The following CNTN4 variants were observed in gnomAD, a reference collection of about 807,000 sequenced individuals.
CNTN4 encodes contactin-4.
In CNTN4, 77 loss-of-function variants were observed where a neutral mutation model predicts 122.5. That is an observed-to-expected ratio of 0.63 (90% CI 0.52 to 0.76). The LOEUF (loss-of-function observed/expected upper bound fraction) is 0.76, where lower values mean the gene tolerates loss of function less well. Among genes scored for constraint, CNTN4 ranks in the 30% least tolerant of loss-of-function variants. The pLI is 0.00. For missense variants in CNTN4, 1,256 were observed against 1,259.1 expected (o/e 1.00, Z 0.04); for synonymous variants, 512 against 447.0 (o/e 1.15, Z -1.83).
At chr3:2,286,591 G>A (rs1307890940) in intron 2 of CNTN4, among the ~76,000 whole-genome samples, 21 of 152,068 alleles carry the variant, frequency 1.4e-4, no homozygotes, top group Admixed American at 1.3e-3. Flanking sequence ...CCAAAATGTT[G>A]TATTAATGCA....
chr3:2,810,097 A>C (rs2092568531), intron 6 of CNTN4, among the ~76,000 whole-genome samples: 1 of 152,198 alleles, frequency 6.6e-6, no homozygotes, highest in African/African-American at 2.4e-5. Flanking sequence ...CTGTTATTTA[A>C]TTTGATATAG....
At chr3:2,203,629 A>G (rs1029381179) in intron 2 of CNTN4, among the ~76,000 whole-genome samples, 1 of 152,158 alleles carries the variant, frequency 6.6e-6, no homozygotes, top group Non-Finnish European at 1.5e-5. Flanking sequence ...GTTCCTGAAT[A>G]GATGTATCCT....
intron 3 of CNTN4, among the ~76,000 whole-genome samples, chr3:2,521,953 G>A (rs1424913147): frequency 1.3e-5 from 2 of 152,070 alleles, no homozygotes; most frequent in Admixed American, 1.3e-4. Flanking sequence ...TTGGTAAAGT[G>A]GTCCTGATCC....
intron 16 of CNTN4, among the ~76,000 whole-genome samples, chr3:3,033,105 G>A (rs141907453): frequency 6.6e-6 from 1 of 152,112 alleles, no homozygotes; most frequent in Non-Finnish European, 1.5e-5. Flanking sequence ...TCTATTTGTG[G>A]TACTTAGATT....
rs532123425 is a variant in CNTN4, at chr3:3,021,445, G to A, written c.1487-4657G>A. Among the ~76,000 whole-genome samples the A allele has an allele frequency of 1.1e-4, 17 of 152,276 alleles. No homozygotes were observed. In the South Asian group the frequency reaches 3.3e-3, roughly 30 times the overall value. On this transcript the variant is annotated intron_variant, in intron 14 of 24. Transcript: ENST00000418658. Reference sequence around the variant, plus strand: ...TTATGTCATCTGAGGTTTGCTTGCTGTCTGCTCTTTGACCAGCTCCAGGCC... The same window carrying A: ...TTATGTCATCTGAGGTTTGCTTGCTATCTGCTCTTTGACCAGCTCCAGGCC...
At chr3:2,672,380 AG>A (rs1312707051) in intron 4 of CNTN4, among the ~76,000 whole-genome samples, 1 of 152,190 alleles carries the variant, frequency 6.6e-6, no homozygotes, top group African/African-American at 2.4e-5. Context: ...GCTAGCAATA[AG>A]GGAGGCTCCA....
chr3:2,915,789 G>A (rs1310542303), intron 12 of CNTN4, among the ~76,000 whole-genome samples: 1 of 152,178 alleles, frequency 6.6e-6, no homozygotes, highest in African/African-American at 2.4e-5. Context: ...GTCAGGAGGT[G>A]GAAGCAACCT....
At chr3:2,577,889 T>C (rs1169020533) in intron 4 of CNTN4, among the ~76,000 whole-genome samples, 1 of 152,222 alleles carries the variant, frequency 6.6e-6, no homozygotes, top group Non-Finnish European at 1.5e-5. Context: ...CCCATCTCTG[T>C]GGTGCAGTTT....
At chr3:2,182,613 T>C (rs1207784338) in intron 2 of CNTN4, among the ~76,000 whole-genome samples, 2 of 152,154 alleles carry the variant, frequency 1.3e-5, no homozygotes, top group Non-Finnish European at 2.9e-5. Flanking sequence ...GTATATGTTA[T>C]GAATTACCTG....
chr3:2,806,095 G>A lies in CNTN4; in HGVS notation c.359-13391G>A, dbSNP rs1368383643. 3.3e-5 allele frequency among the ~76,000 whole-genome samples: 5 copies of A among 152,188 alleles called. No individual in the cohort carries two copies. The East Asian group carries it at 9.7e-4, about 29-fold the overall frequency. On this transcript the variant is annotated intron_variant, in intron 6 of 24. Coordinates refer to ENST00000418658, the MANE Select transcript of CNTN4 (RefSeq NM_175607.3). Reference sequence around the variant, plus strand: ...TTTTTGTATTTTCAGAGAGACGGGGGTCTCACCTTGTTAGCCAGGATGGTG... The same window carrying A: ...TTTTTGTATTTTCAGAGAGACGGGGATCTCACCTTGTTAGCCAGGATGGTG...
rs1303123676 is a variant in CNTN4 at position 2,883,245 on chromosome 3, A to G, written c.753A>G (p.Gly251=). ...ATVKLECFAL[G]NPVPTIIWRR... ...TGAAGCTGGAATGCTTTGCTTTAGGAAAGTAAGTTCTGGTTTGCGTTCCTT... is the reference window on the plus strand; with the variant it reads ...TGAAGCTGGAATGCTTTGCTTTAGGGAAGTAAGTTCTGGTTTGCGTTCCTT... Residue 251 remains glycine, a splice_region_variant and synonymous_variant, in exon 9 of 25, where the codon GGA becomes GGG. Coordinates refer to ENST00000418658, the MANE Select transcript of CNTN4 (RefSeq NM_175607.3). The G allele has an allele frequency of 1.2e-6, 2 of 1,612,280 alleles. No homozygotes were observed. The highest frequency in any genetic ancestry group is 1.7e-6 in the Non-Finnish European group (2 of 1,178,750).
chr3:3,009,557 C>T (rs1180388594), intron 14 of CNTN4, among the ~76,000 whole-genome samples: 1 of 149,714 alleles, frequency 6.7e-6, no homozygotes, highest in Non-Finnish European at 1.5e-5. Flanking sequence ...CCTCAGCTTC[C>T]CGAGTAGCTG....
At chr3:2,715,560 A>G (rs529040689) in intron 4 of CNTN4, among the ~76,000 whole-genome samples, 10 of 152,324 alleles carry the variant, frequency 6.6e-5, no homozygotes, top group Admixed American at 6.5e-4. Flanking sequence ...GCACATTTCA[A>G]GTCCCTGTCT....
intron 4 of CNTN4, among the ~76,000 whole-genome samples, chr3:2,642,811 C>T (rs1216154878): frequency 6.6e-6 from 1 of 152,144 alleles, no homozygotes; most frequent in Non-Finnish European, 1.5e-5. Context: ...CACTCATCTC[C>T]ACTTGTTGAA....
At chr3:2,263,225 A>ACTCAAAG (rs2040910175) in intron 2 of CNTN4, among the ~76,000 whole-genome samples, 1 of 152,152 alleles carries the variant, frequency 6.6e-6, no homozygotes, top group Non-Finnish European at 1.5e-5. Flanking sequence ...TGCTGGGTAG[A>ACTCAAAG]TTGTGAACTA....
At chr3:2,424,689 A>G (rs1331917610) in intron 3 of CNTN4, among the ~76,000 whole-genome samples, 1 of 152,206 alleles carries the variant, frequency 6.6e-6, no homozygotes, top group African/African-American at 2.4e-5. Context: ...CCAACAGTGT[A>G]AAAGTGTTCC....
chr3:2,780,866 C>T (rs555448054), intron 6 of CNTN4, among the ~76,000 whole-genome samples: 8 of 152,310 alleles, frequency 5.3e-5, no homozygotes, highest in Admixed American at 3.3e-4. Flanking sequence ...CTGCATTATA[C>T]GTTTTAGATA....
intron 4 of CNTN4, among the ~76,000 whole-genome samples, chr3:2,631,011 A>G (rs2082407755): frequency 6.6e-6 from 1 of 152,162 alleles, no homozygotes; most frequent in African/African-American, 2.4e-5. Flanking sequence ...ATCTCAATCT[A>G]TATTGGTGGA....
chr3:2,247,580 C>T (rs542430140), intron 2 of CNTN4, among the ~76,000 whole-genome samples: 23 of 151,918 alleles, frequency 1.5e-4, no homozygotes, highest in African/African-American at 5.3e-4. Context: ...TTGTCATATT[C>T]GGGAACATTT....
Sources: gnomAD v4.1 joint callset for allele counts (sites outside exome capture counted in the v4.1 genomes callset) on GRCh38, gnomAD v4.1.1 for gene constraint, MANE v1.5 for transcripts, NCBI Gene and HGNC (gene_info 2026-07-23, HGNC 2026-07-21) for gene names.